ITGA8: variants seen among roughly 807,000 people sequenced by gnomAD.
The protein encoded by ITGA8 is integrin subunit alpha 8.
A neutral mutation model predicts 142.3 loss-of-function variants in ITGA8; 91 were observed. The ratio of observed to expected loss-of-function variants is 0.64; its 90% CI spans 0.54 to 0.76. ITGA8 has a LOEUF of 0.76. Among genes scored for constraint, ITGA8 ranks in the 30% least tolerant of loss-of-function variants. ITGA8 has a pLI of 0.00. For synonymous variants in ITGA8, 505 were observed against 485.2 expected, an observed-to-expected ratio of 1.04 and a Z score of -0.54; for missense variants, 1,406 against 1,327.7, an observed-to-expected ratio of 1.06 and a Z score of -0.92.
chr10:15,633,781 C>A (rs1473360), intron 13 of ITGA8, among the ~76,000 whole-genome samples: 21 of 151,878 alleles, frequency 1.4e-4, no homozygotes, highest in Non-Finnish European at 2.6e-4. Context: ...GATCCCTTTT[C>A]CCCCCCTCAC....
At chr10:15,521,782 A>C (rs1164635103) in intron 28 of ITGA8, among the ~76,000 whole-genome samples, 1 of 152,252 alleles carries the variant, frequency 6.6e-6, no homozygotes, top group African/African-American at 2.4e-5. Flanking sequence ...CGAAGAAATC[A>C]ATTTCAAGGA....
At chr10:15,527,427 G>A (rs1225217437) in intron 28 of ITGA8, among the ~76,000 whole-genome samples, 1 of 152,136 alleles carries the variant, frequency 6.6e-6, no homozygotes, top group East Asian at 1.9e-4. Context: ...TTATAGAATT[G>A]AGTGTTACTT....
rs1832963473 is a variant in ITGA8, at chr10:15,516,541, T to C, written c.*617A>G. 4 of 152,208 alleles carry C rather than the reference T, an allele frequency of 2.6e-5. No homozygotes were observed. The highest frequency in any genetic ancestry group is 6.5e-5 in the Admixed American group (1 of 15,284). The allele number at this position is 152,208 out of a possible 1,614,324, so 9.4% of individuals were successfully genotyped here. A position where few individuals can be genotyped will look rare whatever the true frequency, so the allele number is the denominator to read the frequency against. On this transcript the variant is annotated 3_prime_UTR_variant, in exon 30 of 30. Transcript: ENST00000378076. ...TTTCCAAATTCTCTAGATGACAGAT[T>C]CTCAACCTAGAGACATGGAAAATAA...
intron 4 of ITGA8, among the ~76,000 whole-genome samples, chr10:15,679,347 G>A (rs1834692803): frequency 6.6e-6 from 1 of 152,140 alleles, no homozygotes; most frequent in Admixed American, 6.5e-5. Flanking sequence ...CACTTTGGGA[G>A]GCCAAGGTGC....
At chr10:15,653,190 C>G (rs551390597) in intron 11 of ITGA8, among the ~76,000 whole-genome samples, 13 of 152,294 alleles carry the variant, frequency 8.5e-5, no homozygotes, top group African/African-American at 2.6e-4. Context: ...TCCCTCCCTC[C>G]CTCTTAGATC....
intron 22 of ITGA8, 144 bp downstream of exon 22, chr10:15,592,081 A>G: frequency 1.8e-6 from 1 of 552,402 alleles, no homozygotes; most frequent in Non-Finnish European, 3.2e-6. Context: ...ATTGAGAAAA[A>G]CAAAGAAGAA....
intron 3 of ITGA8, among the ~76,000 whole-genome samples, chr10:15,686,795 T>G (rs1221210131): frequency 6.6e-6 from 1 of 152,176 alleles, no homozygotes; most frequent in Non-Finnish European, 1.5e-5. Context: ...TGCCAAAAAT[T>G]AATCATTTTT....
intron 11 of ITGA8, among the ~76,000 whole-genome samples, chr10:15,648,881 T>C (rs544791567): frequency 5.3e-5 from 8 of 152,376 alleles, no homozygotes; most frequent in African/African-American, 1.7e-4. Flanking sequence ...AACCAATTCA[T>C]TCCCTAATAA....
At chr10:15,637,726 G>A (rs1209897797) in intron 13 of ITGA8, among the ~76,000 whole-genome samples, 1 of 151,782 alleles carries the variant, frequency 6.6e-6, no homozygotes, top group Non-Finnish European at 1.5e-5. Context: ...TTCCTAGGTT[G>A]GTTTCAAACT....
At chr10:15,616,586 A>G in intron 13 of ITGA8, 27 bp from the exon 14 acceptor site, 1 of 1,599,354 alleles carries the variant, frequency 6.3e-7, no homozygotes, top group Non-Finnish European at 8.6e-7. Flanking sequence ...CACAGAACAC[A>G]TGCGTGAATC....
chr10:15,689,195 A>C (rs1371224177), intron 2 of ITGA8, among the ~76,000 whole-genome samples: 1 of 152,232 alleles, frequency 6.6e-6, no homozygotes, highest in Non-Finnish European at 1.5e-5. Flanking sequence ...AGCATTTAAA[A>C]AGTACTTAGG....
chr10:15,524,590 G>A (rs1198465705), intron 28 of ITGA8, among the ~76,000 whole-genome samples: 1 of 152,192 alleles, frequency 6.6e-6, no homozygotes. Context: ...TCAGTAAATG[G>A]CAATGGGGCA....
In ITGA8 at chr10:15,671,957, G is replaced by GTGT. The variant is rs541636325; in HGVS notation, c.803-311_803-310insACA. 3.2e-3 allele frequency among the ~76,000 whole-genome samples: 479 copies of GTGT among 151,532 alleles called. 1 individual carries two copies. Among genetic ancestry groups the GTGT allele is most frequent in the African/African-American group, 0.01 (430 of 41,308 alleles). ...ATGGATACTTCATAATCCACCTTGAGAGTAAATGGTGGCTGTTGCATTTTA... is the reference window on the plus strand; with the variant it reads ...ATGGATACTTCATAATCCACCTTGAGTGTAGTAAATGGTGGCTGTTGCATTTTA... On this transcript the variant is annotated intron_variant, in intron 7 of 29. Coordinates refer to ENST00000378076, the MANE Select transcript of ITGA8 (RefSeq NM_003638.3).
In ITGA8 at chr10:15,605,770, C is replaced by T. The variant is rs764547788; in HGVS notation, c.1924G>A (p.Gly642Arg). The T allele has an allele frequency of 2.5e-6, 4 of 1,613,458 alleles. No individual in the cohort carries two copies. The highest frequency in any genetic ancestry group is 2.5e-6 in the Non-Finnish European group (3 of 1,179,476). The change falls in exon 19 of 30, where the codon GGA becomes AGA. Residue 642 changes from glycine to arginine, a missense_variant. By Grantham distance (125) the Gly-to-Arg change is moderately radical. Transcript: ENST00000378076. ...SEQAHILVDC[G>R]EDNLCVPDLK... ...TCAGGAACACACAGATTGTCTTCTC[C>T]ACAGTCCACCAGAATGTGAGCCTGT...
At chr10:15,618,040 G>A (rs1197171235) in intron 13 of ITGA8, among the ~76,000 whole-genome samples, 1 of 152,190 alleles carries the variant, frequency 6.6e-6, no homozygotes, top group African/African-American at 2.4e-5. Flanking sequence ...ACACATAGAT[G>A]TAAAGATGGT....
At chr10:15,569,208 G>A (rs185492752) in intron 25 of ITGA8, among the ~76,000 whole-genome samples, 3 of 152,168 alleles carry the variant, frequency 2.0e-5, no homozygotes, top group South Asian at 2.1e-4. Context: ...AGAGGAAAAC[G>A]TAGGAAGGAA....
chr10:15,563,547 T>C (rs1588646564), intron 25 of ITGA8, among the ~76,000 whole-genome samples: 1 of 152,304 alleles, frequency 6.6e-6, no homozygotes, highest in Non-Finnish European at 1.5e-5. Flanking sequence ...AGGGACTGAC[T>C]CTTTATTCCC....
chr10:15,657,509 CATTT>C (rs1183575588), intron 10 of ITGA8, among the ~76,000 whole-genome samples: 58 of 116,522 alleles, frequency 5.0e-4, no homozygotes, highest in African/African-American at 1.4e-3. Flanking sequence ...TCTTTTCTTT[CATTT>C]TTTTTTTTTT....
In ITGA8 at chr10:15,613,756, AC is replaced by A; in HGVS notation, c.1456del (p.Val486LeufsTer2). On this transcript the variant is annotated frameshift_variant, in exon 15 of 30. Coordinates refer to ENST00000378076, the MANE Select transcript of ITGA8 (RefSeq NM_003638.3). LOFTEE classifies it high-confidence loss of function. ...GKVAVYRARP[V>X]VTVDAQLLLH... ...CAGAAGCTGGGCATCTACAGTCACA[AC>A]CGGTCTTGCTCTGCGGGGAGAAAAT... The A allele has an allele frequency of 6.2e-7, 1 of 1,613,526 alleles. No individual in the cohort carries two copies. Among genetic ancestry groups the A allele is most frequent in the Non-Finnish European group, 8.5e-7 (1 of 1,179,452 alleles).
Sources: gnomAD v4.1 joint callset for allele counts (sites outside exome capture counted in the v4.1 genomes callset) on GRCh38, gnomAD v4.1.1 for gene constraint, MANE v1.5 for transcripts, NCBI Gene and HGNC (gene_info 2026-07-23, HGNC 2026-07-21) for gene names.